ATXN1: variants seen among roughly 807,000 people sequenced by gnomAD.
The protein encoded by ATXN1 is ataxin-1.
ATXN1 carries 8 observed loss-of-function variants against 56.4 expected under a neutral mutation model. The ratio of observed to expected loss-of-function variants is 0.14; its 90% CI spans 0.08 to 0.26. The LOEUF is 0.26. ATXN1 is among the 10% of genes least tolerant of loss of function. The probability of loss-of-function intolerance (pLI) is 1.00; values close to 1 mark genes in which losing one functional copy is unlikely to be tolerated. For synonymous variants in ATXN1, 514 were observed against 494.6 expected (o/e 1.04, Z -0.52); for missense variants, 987 against 1,106.5 (o/e 0.89, Z 1.53).
rs182766192 is a variant in ATXN1 at position 16,684,339 on chromosome 6, G to A, written c.-614-26438C>T. Among the ~76,000 whole-genome samples, 194 of 152,260 alleles carry A rather than the reference G, an allele frequency of 1.3e-3. 3 individuals carry two copies. The highest frequency in any genetic ancestry group is 1.1e-3 in the Non-Finnish European group (72 of 68,016). ...AGGGACTTATTGAAACTTGAGAGTC[G>A]GAAGTGGTCTGAAGGATTGTTTGAT... On this transcript the variant is annotated intron_variant, in intron 2 of 7. Coordinates refer to ENST00000436367, the MANE Select transcript of ATXN1 (RefSeq NM_001128164.2).
At chr6:16,625,182 C>A (rs920347903) in intron 3 of ATXN1, among the ~76,000 whole-genome samples, 2 of 152,172 alleles carry the variant, frequency 1.3e-5, no homozygotes, top group African/African-American at 4.8e-5. Flanking sequence ...TAATTCACTT[C>A]TCTATGATTC....
At chr6:16,701,880 A>C (rs1472887033) in intron 2 of ATXN1, among the ~76,000 whole-genome samples, 2 of 152,250 alleles carry the variant, frequency 1.3e-5, no homozygotes, top group African/African-American at 4.8e-5. Context: ...GGAAAGGAAG[A>C]AGCAATATCG....
chr6:16,474,059 A>C (rs1239433923), intron 6 of ATXN1, among the ~76,000 whole-genome samples: 4 of 152,194 alleles, frequency 2.6e-5, no homozygotes, highest in African/African-American at 9.7e-5. Context: ...TACTGAAAAG[A>C]CACTTTATGA....
At chr6:16,757,314 T>A (rs1294863160) in intron 1 of ATXN1, among the ~76,000 whole-genome samples, 7 of 152,248 alleles carry the variant, frequency 4.6e-5, no homozygotes, top group Non-Finnish European at 8.8e-5. Context: ...TTTTTTATAC[T>A]TATTTTCACA....
intron 6 of ATXN1, among the ~76,000 whole-genome samples, chr6:16,480,154 C>CAAAAAAAAAAAAAAAAAAA (rs60209783): frequency 1.3e-5 from 1 of 79,110 alleles, no homozygotes; most frequent in Admixed American, 1.3e-4. Flanking sequence ...ACTTCATCTG[C>CAAAAAAAAAAAAAAAAAAA]AAAAAAAAAA....
chr6:16,475,867 A>G (rs1441845720), intron 6 of ATXN1, among the ~76,000 whole-genome samples: 1 of 147,390 alleles, frequency 6.8e-6, no homozygotes, highest in East Asian at 2.0e-4. Flanking sequence ...CTCCTTAGTC[A>G]TTACTTTTTT....
intron 4 of ATXN1, among the ~76,000 whole-genome samples, chr6:16,574,546 T>C (rs1420940737): frequency 6.6e-6 from 1 of 152,226 alleles, no homozygotes; most frequent in Admixed American, 6.5e-5. Flanking sequence ...GGTTTCACCA[T>C]GTTGGCCAGT....
chr6:16,425,328 T>C (rs1028541767), intron 6 of ATXN1, among the ~76,000 whole-genome samples: 9 of 152,234 alleles, frequency 5.9e-5, no homozygotes, highest in African/African-American at 2.2e-4. Flanking sequence ...CCCACGTGTA[T>C]TACTTTAAAA....
rs149905394 is a variant in ATXN1 at position 16,425,346 on chromosome 6, C to T, written c.-161+60626G>A. On this transcript the variant is annotated intron_variant, in intron 6 of 7. Coordinates refer to ENST00000436367, the MANE Select transcript of ATXN1 (RefSeq NM_001128164.2). ...ACGTGTATTACTTTAAAATGCCTTT[C>T]GGTAAAGGAGAATTTGAATAGCATT... Among the ~76,000 whole-genome samples, 613 of 152,280 alleles carry T rather than the reference C, an allele frequency of 4.0e-3. 2 individuals are homozygous for T. Among genetic ancestry groups the T allele is most frequent in the African/African-American group, 0.014 (587 of 41,540 alleles).
chr6:16,343,485 T>C (rs1483593289), intron 6 of ATXN1, among the ~76,000 whole-genome samples: 3 of 152,182 alleles, frequency 2.0e-5, no homozygotes, highest in Admixed American at 6.5e-5. Flanking sequence ...CATTAGCCTG[T>C]ATTCCAGGAC....
intron 2 of ATXN1, among the ~76,000 whole-genome samples, chr6:16,744,542 C>G (rs567603268): frequency 6.6e-6 from 1 of 151,970 alleles, no homozygotes; most frequent in Non-Finnish European, 1.5e-5. Flanking sequence ...AGGTCAGCAA[C>G]GGAGGGTTGA....
At chr6:16,543,067 T>C (rs559855924) in intron 4 of ATXN1, among the ~76,000 whole-genome samples, 4 of 152,190 alleles carry the variant, frequency 2.6e-5, no homozygotes, top group Non-Finnish European at 5.9e-5. Flanking sequence ...GAACACATTC[T>C]TTCCAGAAGG....
rs1761056761 is a variant in ATXN1, at chr6:16,760,593, C to T, written c.-730+705G>A. ...CCCCCGCCCGGCACCCGGCCGCGCG[C>T]AAAGTCCCGTCCCGGCTGCAGGAGC... On this transcript the variant is annotated intron_variant, in intron 1 of 7. Coordinates refer to ENST00000436367, the MANE Select transcript of ATXN1 (RefSeq NM_001128164.2). The surrounding 1 kb of genome is among the most constrained non-coding windows in gnomAD (Gnocchi z 5.3). 6.6e-6 allele frequency among the ~76,000 whole-genome samples: 1 copy of T among 151,104 alleles called. No individual in the cohort carries two copies. Among genetic ancestry groups the T allele is most frequent in the African/African-American group, 2.4e-5 (1 of 41,256 alleles).
intron 2 of ATXN1, among the ~76,000 whole-genome samples, chr6:16,698,865 TA>T (rs1759221792): frequency 6.6e-6 from 1 of 152,174 alleles, no homozygotes; most frequent in Non-Finnish European, 1.5e-5. Flanking sequence ...ATTTAAGCTT[TA>T]AAATTCTACG....
At chr6:16,334,396 T>C (rs1162158633) in intron 6 of ATXN1, among the ~76,000 whole-genome samples, 1 of 152,004 alleles carries the variant, frequency 6.6e-6, no homozygotes, top group East Asian at 1.9e-4. Flanking sequence ...TGAACAACCA[T>C]TTGGTAGGGT....
chr6:16,635,445 G>A (rs568537536), intron 3 of ATXN1, among the ~76,000 whole-genome samples: 3 of 152,222 alleles, frequency 2.0e-5, no homozygotes, highest in African/African-American at 4.8e-5. Context: ...CCAGTCCCTG[G>A]TGCCAAAAAG....
chr6:16,521,394 T>C (rs751125349), intron 5 of ATXN1, among the ~76,000 whole-genome samples: 1 of 152,102 alleles, frequency 6.6e-6, no homozygotes. Context: ...CCATCTCTAC[T>C]AAAAATACAA....
chr6:16,671,595 C>T (rs1484461706), intron 2 of ATXN1, among the ~76,000 whole-genome samples: 1 of 152,120 alleles, frequency 6.6e-6, no homozygotes, highest in Non-Finnish European at 1.5e-5. Flanking sequence ...GAATGACAGC[C>T]TGGTTACAAA....
intron 3 of ATXN1, among the ~76,000 whole-genome samples, chr6:16,608,425 G>A (rs953000547): frequency 2.6e-5 from 4 of 152,216 alleles, no homozygotes; most frequent in African/African-American, 9.6e-5. Context: ...ACTACACTGT[G>A]TTTGGATGTG....
Sources: allele counts gnomAD v4.1 joint callset (sites outside exome capture counted in the v4.1 genomes callset), GRCh38; gene constraint gnomAD v4.1.1; non-coding constraint Gnocchi (gnomAD v3.1); transcripts MANE v1.5; gene names NCBI Gene and HGNC (gene_info 2026-07-23, HGNC 2026-07-21).